PLCH1: variants seen among roughly 807,000 people sequenced by gnomAD.
PLCH1 encodes the protein phospholipase C eta 1, also known as 1-phosphatidylinositol 4,5-bisphosphate phosphodiesterase eta-1.
Under a neutral mutation model 126.7 loss-of-function variants are expected in PLCH1, and 60 were observed. That is an observed-to-expected ratio of 0.47 (90% CI 0.38 to 0.59). The LOEUF is 0.59. PLCH1 is among the 20% of genes least tolerant of loss of function. The pLI, the probability that PLCH1 is intolerant of heterozygous loss-of-function variation, is 0.00. For missense variants in PLCH1, 1,723 were observed against 2,040.0 expected, an observed-to-expected ratio of 0.84 and a Z score of 2.99; for synonymous variants, 719 against 734.9, an observed-to-expected ratio of 0.98 and a Z score of 0.35.
chr3:155,626,883 G>C (rs1379044714), intron 2 of PLCH1, among the ~76,000 whole-genome samples: 1 of 138,216 alleles, frequency 7.2e-6, no homozygotes, highest in East Asian at 2.1e-4. Context: ...ATATCTACAA[G>C]AATATCTAAT....
chr3:155,674,420 T>C (rs1743875832), intron 2 of PLCH1, among the ~76,000 whole-genome samples: 1 of 152,208 alleles, frequency 6.6e-6, no homozygotes. Context: ...GATTTCATGA[T>C]ATTTCAGAAT....
intron 10 of PLCH1, among the ~76,000 whole-genome samples, chr3:155,537,300 A>G (rs1012334237): frequency 5.2e-5 from 7 of 134,816 alleles, no homozygotes; most frequent in East Asian, 4.2e-4. Context: ...TCCATAAAGC[A>G]TAAGTCCCAC....
intron 10 of PLCH1, among the ~76,000 whole-genome samples, chr3:155,537,637 T>TA (rs931953930): frequency 1.4e-4 from 21 of 151,732 alleles, no homozygotes; most frequent in African/African-American, 4.6e-4. Context: ...CAACAGCAGT[T>TA]AAAAAAAACA....
At chr3:155,609,994 TC>T (rs1274427470) in intron 2 of PLCH1, among the ~76,000 whole-genome samples, 4 of 152,042 alleles carry the variant, frequency 2.6e-5, no homozygotes, top group Admixed American at 2.6e-4. Context: ...ATGGAAAACT[TC>T]CCTGGCCTCA....
chr3:155,576,647 CTTATG>C (rs1029661397), intron 6 of PLCH1, among the ~76,000 whole-genome samples: 5 of 152,132 alleles, frequency 3.3e-5, no homozygotes, highest in African/African-American at 1.2e-4. Flanking sequence ...CTGCACCAAT[CTTATG>C]TTATCAGAAG....
intron 2 of PLCH1, among the ~76,000 whole-genome samples, chr3:155,603,318 T>C (rs1422966736): frequency 6.6e-6 from 1 of 152,192 alleles, no homozygotes; most frequent in Non-Finnish European, 1.5e-5. Flanking sequence ...AAGTGCAAAA[T>C]GATGCAGGTA....
chr3:155,580,923 T>C (rs1730582810), intron 6 of PLCH1, among the ~76,000 whole-genome samples: 1 of 152,198 alleles, frequency 6.6e-6, no homozygotes. Flanking sequence ...GGGTAGGTTT[T>C]GTCCACTACA....
chr3:155,540,272 G>A (rs1724057123), intron 10 of PLCH1, among the ~76,000 whole-genome samples: 1 of 152,064 alleles, frequency 6.6e-6, no homozygotes, highest in Non-Finnish European at 1.5e-5. Flanking sequence ...TATAACACCT[G>A]AAACCATATA....
intron 2 of PLCH1, among the ~76,000 whole-genome samples, chr3:155,659,869 A>G (rs1053027450): frequency 4.6e-5 from 7 of 152,122 alleles, no homozygotes; most frequent in African/African-American, 1.7e-4. Context: ...CCTGGGCTCA[A>G]GCAATCCACC....
chr3:155,486,557 G>A (rs1336219222), intron 21 of PLCH1, among the ~76,000 whole-genome samples: 2 of 127,686 alleles, frequency 1.6e-5, no homozygotes, highest in African/African-American at 3.1e-5. Context: ...TCGCTCTGTC[G>A]CCCAGGCCGG....
At chr3:155,625,640 G>A (rs564441516) in intron 2 of PLCH1, among the ~76,000 whole-genome samples, 8 of 152,248 alleles carry the variant, frequency 5.3e-5, no homozygotes, top group African/African-American at 1.9e-4. Flanking sequence ...ATCATCACTG[G>A]TCATTAGAGA....
intron 2 of PLCH1, among the ~76,000 whole-genome samples, chr3:155,635,161 C>T (rs1282507606): frequency 6.6e-6 from 1 of 151,784 alleles, no homozygotes; most frequent in Admixed American, 6.6e-5. Flanking sequence ...AAACTAAAAT[C>T]TCTCAGCTCT....
chr3:155,628,694 G>A (rs1215578427), intron 2 of PLCH1, among the ~76,000 whole-genome samples: 1 of 151,940 alleles, frequency 6.6e-6, no homozygotes, highest in Admixed American at 6.6e-5. Flanking sequence ...TGAACTTAGT[G>A]GTGGGTAAGG....
At chr3:155,454,649 G>A (rs1163393386) in intron 21 of PLCH1, among the ~76,000 whole-genome samples, 2 of 152,210 alleles carry the variant, frequency 1.3e-5, no homozygotes, top group African/African-American at 2.4e-5. Context: ...CAGCTCTTCA[G>A]GGCCAAGAGA....
chr3:155,524,749 G>T (rs890351536), intron 10 of PLCH1, among the ~76,000 whole-genome samples: 25 of 152,122 alleles, frequency 1.6e-4, no homozygotes, highest in Non-Finnish European at 3.2e-4. Flanking sequence ...AGGCCCAGTG[G>T]CTCACACCTG....
intron 10 of PLCH1, among the ~76,000 whole-genome samples, chr3:155,543,988 C>CA: frequency 6.6e-6 from 1 of 151,708 alleles, no homozygotes; most frequent in Non-Finnish European, 1.5e-5. Flanking sequence ...AACTAACGAG[C>CA]AAATAACCAG....
chr3:155,632,798 G>A (rs1443131552), intron 2 of PLCH1, among the ~76,000 whole-genome samples: 3 of 152,042 alleles, frequency 2.0e-5, no homozygotes, highest in Non-Finnish European at 2.9e-5. Flanking sequence ...AATGCTCATG[G>A]CAATTACATT....
chr3:155,455,056 T>C (rs918663057), intron 21 of PLCH1, among the ~76,000 whole-genome samples: 1 of 152,246 alleles, frequency 6.6e-6, no homozygotes, highest in African/African-American at 2.4e-5. Flanking sequence ...AGTTTTCTTT[T>C]CTCCTGAGAG....
intron 1 of PLCH1, among the ~76,000 whole-genome samples, chr3:155,723,456 C>G (rs1288961065): frequency 6.6e-6 from 1 of 151,782 alleles, no homozygotes; most frequent in Admixed American, 6.6e-5. Context: ...CTTCATTATT[C>G]CTTTTCTTCT....
Sources: allele counts gnomAD v4.1 joint callset (sites outside exome capture counted in the v4.1 genomes callset), GRCh38; gene constraint gnomAD v4.1.1; transcripts MANE v1.5; gene names NCBI Gene and HGNC (gene_info 2026-07-23, HGNC 2026-07-21).